The following ZNF385B variants were observed in gnomAD, a reference collection of about 807,000 sequenced individuals.
ZNF385B encodes the protein zinc finger protein 533.
In ZNF385B, 23 loss-of-function variants were observed where a neutral mutation model predicts 39.2. The ratio of observed to expected loss-of-function variants is 0.59; its 90% CI spans 0.42 to 0.83. ZNF385B has a LOEUF of 0.83. Ranked by LOEUF, ZNF385B falls within the 40% of genes least tolerant of loss-of-function variation. The pLI is 0.00. For missense variants in ZNF385B, 552 were observed against 598.9 expected, an observed-to-expected ratio of 0.92 and a Z score of 0.82; for synonymous variants, 205 against 222.6, an observed-to-expected ratio of 0.92 and a Z score of 0.70.
chr2:179,790,154 G>C (rs1559196968), intron 1 of ZNF385B, among the ~76,000 whole-genome samples: 1 of 152,180 alleles, frequency 6.6e-6, no homozygotes, highest in African/African-American at 2.4e-5. Context: ...GCTAACTATG[G>C]ATCTCAGTTC....
intron 2 of ZNF385B, 45 bp from the exon 3 acceptor site, chr2:179,769,847 C>T (rs1182188578): frequency 1.3e-6 from 2 of 1,499,846 alleles, no homozygotes; most frequent in Non-Finnish European, 1.8e-6. Context: ...TGATATATGC[C>T]TTATTTTCTA....
rs1574216114 is a variant in ZNF385B at position 179,454,818 on chromosome 2, AGT to A, written c.716-8050_716-8049del. On this transcript the variant is annotated intron_variant, in intron 6 of 9. Transcript: ENST00000410066. ...ATAAAGAATTTTTGTAGCACTCTAC[AGT>A]GTGTTTATGTTTTAAGCTAAGTGTT... Among the ~76,000 whole-genome samples the A allele has an allele frequency of 3.9e-5, 6 of 152,364 alleles. No individual in the cohort carries two copies. In the South Asian group the frequency reaches 1.2e-3, roughly 32 times the overall value.
chr2:179,791,784 A>G (rs550811049), intron 1 of ZNF385B, among the ~76,000 whole-genome samples: 20 of 152,216 alleles, frequency 1.3e-4, no homozygotes, highest in African/African-American at 4.8e-4. Flanking sequence ...TTTGAGATGG[A>G]GTTTTGCTGT....
chr2:179,613,659 C>T (rs1197322419), intron 3 of ZNF385B, among the ~76,000 whole-genome samples: 1 of 152,084 alleles, frequency 6.6e-6, no homozygotes, highest in African/African-American at 2.4e-5. Flanking sequence ...TTTACTCTTC[C>T]TTCTTCTCTC....
rs981444397 is a variant in ZNF385B, at chr2:179,490,312, CACAA to C, written c.553-6882_553-6879del. Among the ~76,000 whole-genome samples, 9 of 139,750 alleles carry C rather than the reference CACAA, an allele frequency of 6.4e-5. No individual in the cohort carries two copies. The East Asian group carries it at 9.7e-4, about 15-fold the overall frequency. The allele number at this position is 139,750 out of a possible 152,430, so 91.7% of individuals were successfully genotyped here. ...TATTTGAATATATGAGCATTACACA[CACAA>C]ACACACACACACACACACACACATA... On this transcript the variant is annotated intron_variant, in intron 5 of 9. Coordinates refer to ENST00000410066, the MANE Select transcript of ZNF385B (RefSeq NM_152520.6).
chr2:179,767,774 G>T (rs564413809), intron 3 of ZNF385B, among the ~76,000 whole-genome samples: 1 of 152,046 alleles, frequency 6.6e-6, no homozygotes, highest in South Asian at 2.1e-4. Context: ...TCTATCATGA[G>T]ATATTCTTCA....
At chr2:179,718,825 CT>C (rs1266234588) in intron 3 of ZNF385B, among the ~76,000 whole-genome samples, 3 of 130,834 alleles carry the variant, frequency 2.3e-5, no homozygotes, top group African/African-American at 8.0e-5. Context: ...GACCCTGTAT[CT>C]ATTAAAAAAA....
At chr2:179,563,117 C>G (rs918577744) in intron 3 of ZNF385B, among the ~76,000 whole-genome samples, 1 of 152,128 alleles carries the variant, frequency 6.6e-6, no homozygotes, top group Non-Finnish European at 1.5e-5. Flanking sequence ...GTGTATGCAT[C>G]TCAACTCAAA....
intron 1 of ZNF385B, among the ~76,000 whole-genome samples, chr2:179,854,643 T>C (rs1042071185): frequency 5.9e-5 from 9 of 152,184 alleles, no homozygotes; most frequent in Admixed American, 1.3e-4. Context: ...ATCCGTCAGA[T>C]GGACCTCTTT....
At chr2:179,813,225 T>C (rs940281275) in intron 1 of ZNF385B, among the ~76,000 whole-genome samples, 1 of 152,212 alleles carries the variant, frequency 6.6e-6, no homozygotes, top group Non-Finnish European at 1.5e-5. Context: ...TATTTTGGTA[T>C]GACATATGAG....
intron 3 of ZNF385B, among the ~76,000 whole-genome samples, chr2:179,712,735 A>G (rs1317169140): frequency 6.6e-6 from 1 of 152,214 alleles, no homozygotes; most frequent in Admixed American, 6.5e-5. Flanking sequence ...GATGCTTTAT[A>G]GGAACATTAA....
intron 3 of ZNF385B, among the ~76,000 whole-genome samples, chr2:179,612,321 T>C (rs1689355570): frequency 6.6e-6 from 1 of 152,206 alleles, no homozygotes. Flanking sequence ...TAAGTATTTA[T>C]TGCAGTCTTC....
chr2:179,553,687 G>C lies in ZNF385B; in HGVS notation c.299-8718C>G, dbSNP rs538539200. Among the ~76,000 whole-genome samples, 64 of 149,072 alleles carry C rather than the reference G, an allele frequency of 4.3e-4. 7 individuals carry two copies. Among genetic ancestry groups the C allele is most frequent in the African/African-American group, 1.6e-3 (63 of 39,578 alleles). ...TTCCCTAAAGTAGGTTATATGTAAA[G>C]CTGTTACATGAAAAAGATTCTGTCA... On this transcript the variant is annotated intron_variant, in intron 3 of 9. Transcript: ENST00000410066.
At chr2:179,536,429 G>C (rs2059569828) in intron 4 of ZNF385B, 1 of 152,128 alleles carries the variant, frequency 6.6e-6, no homozygotes, top group Non-Finnish European at 1.5e-5. Flanking sequence ...CACTGAAGAT[G>C]AGGCCCCAGA....
chr2:179,456,690 C>T (rs1385702763), intron 6 of ZNF385B, among the ~76,000 whole-genome samples: 1 of 152,072 alleles, frequency 6.6e-6, no homozygotes, highest in Non-Finnish European at 1.5e-5. Flanking sequence ...TTGCTTTACG[C>T]AGAGCAAAAA....
At chr2:179,537,123 G>A (rs2059614857) in intron 4 of ZNF385B, among the ~76,000 whole-genome samples, 1 of 150,956 alleles carries the variant, frequency 6.6e-6, no homozygotes, top group South Asian at 2.1e-4. Flanking sequence ...CAAGCCTGAT[G>A]AACATGGAGA....
intron 3 of ZNF385B, among the ~76,000 whole-genome samples, chr2:179,730,663 C>T (rs939886193): frequency 2.6e-5 from 4 of 151,822 alleles, no homozygotes; most frequent in Non-Finnish European, 4.4e-5. Context: ...TACTTCTATA[C>T]TGATAAATAA....
intron 3 of ZNF385B, among the ~76,000 whole-genome samples, chr2:179,551,434 G>A (rs907689479): frequency 6.6e-6 from 1 of 152,040 alleles, no homozygotes; most frequent in Non-Finnish European, 1.5e-5. Flanking sequence ...AAAAACGAAG[G>A]TGTGGGCCAA....
chr2:179,756,824 A>T (rs1405972067), intron 3 of ZNF385B, among the ~76,000 whole-genome samples: 1 of 152,132 alleles, frequency 6.6e-6, no homozygotes, highest in African/African-American at 2.4e-5. Context: ...CAGGTCATTT[A>T]AGGACTTCTC....
Sources: gnomAD v4.1 joint callset for allele counts (sites outside exome capture counted in the v4.1 genomes callset) on GRCh38, gnomAD v4.1.1 for gene constraint, MANE v1.5 for transcripts, NCBI Gene and HGNC (gene_info 2026-07-23, HGNC 2026-07-21) for gene names.